Variants in PMS2 observed in about 807,000 individuals in gnomAD.
The protein encoded by PMS2 is PMS1 homolog 2, mismatch repair system component.
A neutral mutation model predicts 90.0 loss-of-function variants in PMS2; 69 were observed. That is an observed-to-expected ratio of 0.77 (90% CI 0.63 to 0.94). PMS2 has a LOEUF of 0.94. Among genes scored for constraint, PMS2 ranks in the 40% least tolerant of loss-of-function variants. PMS2 has a pLI of 0.00. For synonymous variants in PMS2, 332 were observed against 375.1 expected, an observed-to-expected ratio of 0.89 and a Z score of 1.33; for missense variants, 966 against 1,040.2, an observed-to-expected ratio of 0.93 and a Z score of 0.98.
At chr7:5,983,452 C>T (rs942259706) in intron 11 of PMS2, among the ~76,000 whole-genome samples, 20 of 151,576 alleles carry the variant, frequency 1.3e-4, no homozygotes, top group African/African-American at 4.6e-4. Context: ...ATTCATTCAT[C>T]CAACTCTCCG....
At chr7:6,006,459 C>G (rs1212814342) in intron 1 of PMS2, among the ~76,000 whole-genome samples, 1 of 152,082 alleles carries the variant, frequency 6.6e-6, no homozygotes, top group Non-Finnish European at 1.5e-5. Context: ...CGACACCAGC[C>G]TGGCCAACAC....
chr7:6,005,303 C>A (rs1464072642), intron 2 of PMS2, among the ~76,000 whole-genome samples: 1 of 152,216 alleles, frequency 6.6e-6, no homozygotes, highest in Non-Finnish European at 1.5e-5. Flanking sequence ...CTCTCGGCTT[C>A]AAGCAATTCT....
At chr7:5,993,589 G>A (rs1198608113) in intron 8 of PMS2, among the ~76,000 whole-genome samples, 2 of 151,480 alleles carry the variant, frequency 1.3e-5, no homozygotes, top group Non-Finnish European at 2.9e-5. Flanking sequence ...TGGGCCGGGC[G>A]CGGTGGCTCA....
chr7:5,983,143 C>T lies in PMS2; in HGVS notation c.2007-152G>A, dbSNP rs552377412. ...TTTCTTTTTTTTTGAAACAGAGTCT[C>T]GTTCTGTCACCCAGGCTACAGTGCA... On this transcript the variant is annotated intron_variant, in intron 11 of 14. Transcript: ENST00000265849. 17 of 1,234,756 alleles carry T rather than the reference C, an allele frequency of 1.4e-5. No individual in the cohort carries two copies. The East Asian group carries it at 2.1e-4, about 15-fold the overall frequency. 76.5% of individuals were successfully genotyped at this position (1,234,756 alleles called of 1,614,324 possible).
intron 1 of PMS2, among the ~76,000 whole-genome samples, chr7:6,007,011 A>C (rs1441656537): frequency 1.3e-5 from 2 of 152,076 alleles, no homozygotes; most frequent in African/African-American, 4.8e-5. Context: ...TGAAAGTTAA[A>C]ATTTAGTCAT....
chr7:5,997,794 C>T (rs1280176769), intron 6 of PMS2, among the ~76,000 whole-genome samples: 1 of 152,084 alleles, frequency 6.6e-6, no homozygotes, highest in Non-Finnish European at 1.5e-5. Flanking sequence ...AAGCGATTCT[C>T]CCACCTCAAA....
intron 6 of PMS2, 26 bp downstream of exon 6, chr7:5,999,082 G>A (rs768324145): frequency 6.2e-7 from 1 of 1,606,274 alleles, no homozygotes; most frequent in African/African-American, 1.3e-5. Flanking sequence ...GCAATAAGAG[G>A]CGTTGAAGTA....
rs570998668 is a variant in PMS2, at chr7:5,997,429, A to AC, written c.706-7_706-6insG. 5 of 1,186,938 alleles carry AC rather than the reference A, an allele frequency of 4.2e-6. No homozygotes were observed. The South Asian group carries it at 8.3e-5, about 20-fold the overall frequency. 73.5% of individuals were successfully genotyped at this position (1,186,938 alleles called of 1,614,324 possible). On this transcript the variant is annotated splice_region_variant and splice_polypyrimidine_tract_variant and intron_variant, in intron 6 of 14. Transcript: ENST00000265849. ...AAAGGAATGAGGCTTTGCAACTGAAAAAAAAAAAAAAAAATTCACAGTTAC... is the reference window on the plus strand; with the variant it reads ...AAAGGAATGAGGCTTTGCAACTGAAACAAAAAAAAAAAAAATTCACAGTTAC...
At chr7:6,004,715 CAAAA>C (rs71008347) in intron 2 of PMS2, among the ~76,000 whole-genome samples, 3 of 96,526 alleles carry the variant, frequency 3.1e-5, no homozygotes, top group African/African-American at 3.8e-5. Context: ...AACTCTATCT[CAAAA>C]AAAAAAAAAA....
In PMS2 at chr7:6,003,747, G is replaced by A. The variant is rs786202835; in HGVS notation, c.296C>T (p.Thr99Ile). ...CCGAAAGCCAAAAGTTTCAACCTGA[G>A]TTAGGTCGGCAAACTCTTGAATCTT... Reference protein sequence around the residue: ...TSKIQEFADLTQVETFGFRGE... With the variant: ...TSKIQEFADLIQVETFGFRGE... The change falls in exon 4 of 15, where the codon ACT becomes ATT. Residue 99 changes from threonine (T) to isoleucine (I), a missense_variant. Physicochemically the swap from Thr to Ile is moderately conservative, Grantham distance 89. Around this residue, in one of 2 missense-constraint regions of PMS2, gnomAD observed 871 missense variants for 802.4 expected, o/e 1.09. Transcript: ENST00000265849. The A allele has an allele frequency of 6.2e-7, 1 of 1,603,180 alleles. No homozygotes were observed. Among genetic ancestry groups the A allele is most frequent in the Non-Finnish European group, 8.5e-7 (1 of 1,179,344 alleles).
At chr7:5,993,129 G>C (rs550319546) in intron 8 of PMS2, among the ~76,000 whole-genome samples, 1 of 152,190 alleles carries the variant, frequency 6.6e-6, no homozygotes, top group South Asian at 2.1e-4. Context: ...CCAGCACTTT[G>C]GGAGGTCAAG....
At chr7:5,994,692 C>T (rs1284914982) in intron 8 of PMS2, among the ~76,000 whole-genome samples, 3 of 151,566 alleles carry the variant, frequency 2.0e-5, no homozygotes, top group South Asian at 2.1e-4. Flanking sequence ...AGGAGAATGG[C>T]GTGAACCTGG....
chr7:5,998,893 G>C (rs1431581090), intron 6 of PMS2, among the ~76,000 whole-genome samples: 1 of 151,606 alleles, frequency 6.6e-6, no homozygotes, highest in East Asian at 1.9e-4. Flanking sequence ...GGGAGGCTGA[G>C]GCAGGAGAAT....
rs267608159 is a variant in PMS2, at chr7:5,987,525, CTTT to C, written c.1237_1239del (p.Lys413del). The C allele has an allele frequency of 6.2e-7, 1 of 1,613,998 alleles. No homozygotes were observed. Among genetic ancestry groups the C allele is most frequent in the Non-Finnish European group, 8.5e-7 (1 of 1,179,970 alleles). ...TCTCGCAGTCTGGAAATGGACACGT[CTTT>C]TTTTTCTTCTCCAGTCCTTAATGAA... is the stretch of plus-strand genomic sequence containing the variant. On this transcript the variant is annotated inframe_deletion, in exon 11 of 15. Coordinates refer to ENST00000265849, the MANE Select transcript of PMS2 (RefSeq NM_000535.7).
At chr7:5,998,813 A>AACCCCGTC (rs573049054) in intron 6 of PMS2, among the ~76,000 whole-genome samples, 190 of 152,104 alleles carry the variant, frequency 1.2e-3, no homozygotes, top group Non-Finnish European at 2.1e-3. Flanking sequence ...AACACGGTGA[A>AACCCCGTC]ACCCCGTCTC....
chr7:6,008,148 C>A (rs1175760834), intron 1 of PMS2, among the ~76,000 whole-genome samples: 6 of 152,168 alleles, frequency 3.9e-5, no homozygotes, highest in Non-Finnish European at 8.8e-5. Flanking sequence ...TGAGTCACCG[C>A]TCTCGGCCCA....
intron 11 of PMS2, 79 bp downstream of exon 11, chr7:5,986,680 A>T (rs1159726734): frequency 5.2e-6 from 6 of 1,143,562 alleles, no homozygotes; most frequent in Non-Finnish European, 7.3e-6. Context: ...CAACAGAGCA[A>T]GACTCTGTCT....
chr7:5,977,078 G>A (rs1185255937), intron 14 of PMS2, among the ~76,000 whole-genome samples: 1 of 149,004 alleles, frequency 6.7e-6, no homozygotes, highest in African/African-American at 2.4e-5. Context: ...TTTTTGAGAC[G>A]GAGTCTCGCT....
chr7:5,982,341 G>A lies in PMS2; in HGVS notation c.2174+483C>T, dbSNP rs550181001. 1.9e-3 allele frequency among the ~76,000 whole-genome samples: 285 copies of A among 152,340 alleles called. 1 individual carries two copies. The highest frequency in any genetic ancestry group is 6.7e-3 in the African/African-American group (277 of 41,570). ...CTGCCTCAGCCTCCCAAGTAGCTGG[G>A]ACTACAGGCGCCCGCCACCACGCCT... On this transcript the variant is annotated intron_variant, in intron 12 of 14. Transcript: ENST00000265849.
Sources: gnomAD v4.1 joint callset for allele counts (sites outside exome capture counted in the v4.1 genomes callset) on GRCh38, gnomAD v4.1.1 for gene constraint, gnomAD v4.1.1 regional missense constraint, MANE v1.5 for transcripts, NCBI Gene and HGNC (gene_info 2026-07-23, HGNC 2026-07-21) for gene names.